Variants in RUVBL2 observed in about 807,000 individuals in gnomAD.
The protein encoded by RUVBL2 is RuvB like AAA ATPase 2.
Under a neutral mutation model 57.9 loss-of-function variants are expected in RUVBL2, and 9 were observed. That is an observed-to-expected ratio of 0.16 (90% CI 0.09 to 0.27). The LOEUF is 0.27. Among genes scored for constraint, RUVBL2 ranks in the 10% least tolerant of loss-of-function variants. The probability of loss-of-function intolerance (pLI) is 1.00; values close to 1 mark genes in which losing one functional copy is unlikely to be tolerated. For synonymous variants in RUVBL2, 278 were observed against 264.6 expected, an observed-to-expected ratio of 1.05 and a Z score of -0.49; for missense variants, 456 against 669.6, an observed-to-expected ratio of 0.68 and a Z score of 3.52.
At chr19:49,007,773 C>T (rs954196460) in intron 6 of RUVBL2, among the ~76,000 whole-genome samples, 9 of 151,998 alleles carry the variant, frequency 5.9e-5, no homozygotes, top group African/African-American at 1.9e-4. Context: ...GGTGCAATCT[C>T]GGCTCACTGC....
Position 49,010,480 on chromosome 19 carries a change from C to CCCCCCCAA in RUVBL2, c.664-5_664-4insCCCAACCC. The CCCCCCCAA allele has an allele frequency of 1.3e-6, 2 of 1,598,806 alleles. No homozygotes were observed. Among genetic ancestry groups the CCCCCCCAA allele is most frequent in the South Asian group, 1.1e-5 (1 of 90,628 alleles). The stretch of plus-strand genomic sequence containing the variant: ...CTCCGCCGTTCTTCCCCCACCCCCG[C>CCCCCCCAA]CCCATAGACCAAGTTCGTGCAGTGC... On this transcript the variant is annotated splice_polypyrimidine_tract_variant and splice_region_variant and intron_variant, in intron 8 of 14. Transcript: ENST00000595090.
At chr19:49,010,437 T>G (rs181417101) in intron 8 of RUVBL2, 51 bp from the exon 9 acceptor site, 25 of 1,602,814 alleles carry the variant, frequency 1.6e-5, no homozygotes, top group Non-Finnish European at 2.0e-5. Flanking sequence ...GCCCCCTTCA[T>G]GCCCTTCCCT....
chr19:49,007,439 G>A (rs1293405044), intron 6 of RUVBL2, 71 bp downstream of exon 6: 3 of 1,389,678 alleles, frequency 2.2e-6, no homozygotes, highest in Admixed American at 1.9e-5. Context: ...TAGATATCAG[G>A]TCTGCACTGA....
intron 1 of RUVBL2, chr19:48,994,727 C>G (rs991281915): frequency 6.6e-6 from 1 of 152,062 alleles, no homozygotes; most frequent in East Asian, 1.9e-4. Context: ...GTCAGGAGTT[C>G]GTGGCCAACA....
intron 2 of RUVBL2, among the ~76,000 whole-genome samples, chr19:49,001,839 T>C (rs372402561): frequency 1.9e-4 from 29 of 152,032 alleles, no homozygotes; most frequent in Middle Eastern, 3.4e-3. Context: ...GTCTATCTCC[T>C]GACCTCGTGA....
At position 49,010,016 on chromosome 19, in the gene RUVBL2, C is replaced by A. The variant is rs1062708; in HGVS notation, c.613C>A (p.Leu205Met). 4 of 1,590,124 alleles carry A rather than the reference C, an allele frequency of 2.5e-6. No individual in the cohort carries two copies. Among genetic ancestry groups the A allele is most frequent in the Non-Finnish European group, 2.6e-6 (3 of 1,166,174 alleles). Reference protein sequence around the residue: ...IDKATGKISKLGRSFTRARDY... With the variant: ...IDKATGKISKMGRSFTRARDY... ...CAAGGCGACGGGCAAGATCTCCAAG[C>A]TGGGCCGCTCCTTCACACGCGCCCG... Residue 205 changes from leucine (L) to methionine (M), a missense_variant, in exon 8 of 15, where the codon CTG (leucine) becomes ATG (methionine). Around this residue, in one of 5 missense-constraint regions of RUVBL2, gnomAD observed 233 missense variants for 306.0 expected, o/e 0.76. Coordinates refer to ENST00000595090, the MANE Select transcript of RUVBL2 (RefSeq NM_006666.3).
rs751694314 is a variant in RUVBL2, at chr19:49,015,561, TC to T, written c.1252-6del. On this transcript the variant is annotated splice_polypyrimidine_tract_variant and intron_variant, in intron 13 of 14. Transcript: ENST00000595090. Reference sequence around the variant, plus strand: ...GAGGGGCCCAACTGAGGACTCGCCCTCCCCCTCCAGGGTACAGAAGTGCAGG... The same window carrying T: ...GAGGGGCCCAACTGAGGACTCGCCCTCCCCTCCAGGGTACAGAAGTGCAGG... 4 of 1,596,998 alleles carry T rather than the reference TC, an allele frequency of 2.5e-6. No homozygotes were observed. The East Asian group carries it at 8.9e-5, about 36-fold the overall frequency.
intron 2 of RUVBL2, 71 bp downstream of exon 2, chr19:48,999,444 A>AG: frequency 6.6e-7 from 1 of 1,506,758 alleles, no homozygotes; most frequent in Non-Finnish European, 9.2e-7. Context: ...AAACCTATTG[A>AG]GGACCCCTAA....
chr19:48,993,604 G>C (rs2038989147), upstream of RUVBL2: 1 of 540,324 alleles, frequency 1.9e-6, no homozygotes, highest in Admixed American at 3.2e-5. Context: ...GGAGCGTGGA[G>C]GACGTGTGGT....
intron 11 of RUVBL2, among the ~76,000 whole-genome samples, chr19:49,013,887 C>T (rs1203096236): frequency 1.3e-5 from 2 of 152,228 alleles, no homozygotes; most frequent in African/African-American, 4.8e-5. Context: ...GCACTCCAGC[C>T]TCGCAACAGA....
At chr19:48,995,669 C>T (rs2039042354) in intron 1 of RUVBL2, among the ~76,000 whole-genome samples, 1 of 151,398 alleles carries the variant, frequency 6.6e-6, no homozygotes, top group East Asian at 2.0e-4. Context: ...GGCAACATAG[C>T]GAAACCCTGT....
At position 49,010,604 on chromosome 19, in the gene RUVBL2, C is replaced by G; in HGVS notation, c.780C>G (p.Leu260=). 5 of 1,613,730 alleles carry G rather than the reference C, an allele frequency of 3.1e-6. No homozygotes were observed. Among genetic ancestry groups the G allele is most frequent in the African/African-American group, 1.3e-5 (1 of 74,990 alleles). ...INSRTQGFLA[L]FSGDTGEIKS... is the part of the protein sequence containing the mutation. ...CTCGCACCCAGGGCTTCCTGGCGCT[C>G]TTCTCAGGTGAGGCCCCTCCTGCCC... The change falls in exon 9 of 15, where the codon CTC becomes CTG. Residue 260 remains leucine (L), a synonymous_variant. Coordinates refer to ENST00000595090, the MANE Select transcript of RUVBL2 (RefSeq NM_006666.3).
intron 1 of RUVBL2, among the ~76,000 whole-genome samples, chr19:48,997,240 A>T (rs1031970756): frequency 6.6e-6 from 1 of 152,200 alleles, no homozygotes; most frequent in African/African-American, 2.4e-5. Flanking sequence ...CTTCATATAG[A>T]TGGAATCATA....
chr19:49,004,253 C>T, intron 3 of RUVBL2, 24 bp from the exon 4 acceptor site: 1 of 1,608,040 alleles, frequency 6.2e-7, no homozygotes, highest in African/African-American at 1.3e-5. Flanking sequence ...AGGAAATCAC[C>T]TCATGTGCGC....
Position 49,011,324 on chromosome 19 carries a change from A to T in RUVBL2, c.1001+14A>T. 1.9e-6 allele frequency: 3 copies of T among 1,605,754 alleles called. No individual in the cohort carries two copies. Among genetic ancestry groups the T allele is most frequent in the Non-Finnish European group, 2.6e-6 (3 of 1,173,094 alleles). ...TGGCATCACGCGGTGAGCCGGCTAC[A>T]GGGGCCTCTGGGGAAAACAGGATGC... On this transcript the variant is annotated intron_variant, in intron 11 of 14. Coordinates refer to ENST00000595090, the MANE Select transcript of RUVBL2 (RefSeq NM_006666.3). The surrounding 1 kb of genome is among the most constrained non-coding windows in gnomAD (Gnocchi z 4.4).
At chr19:48,994,690 G>A (rs1216198038) in intron 1 of RUVBL2, 1 of 152,232 alleles carries the variant, frequency 6.6e-6, no homozygotes, top group Non-Finnish European at 1.5e-5. Context: ...AGCACTTTGG[G>A]AGGCCGAGGC....
At position 49,010,629 on chromosome 19, in the gene RUVBL2, C is replaced by G; in HGVS notation, c.787+18C>G. On this transcript the variant is annotated intron_variant, in intron 9 of 14. Transcript: ENST00000595090. Reference sequence around the variant, plus strand: ...CTTCTCAGGTGAGGCCCCTCCTGCCCTGCCCTGCCCTGCCCTGCCCCAGGC... The same window carrying G: ...CTTCTCAGGTGAGGCCCCTCCTGCCGTGCCCTGCCCTGCCCTGCCCCAGGC... 6.2e-7 allele frequency: 1 copy of G among 1,611,594 alleles called. No individual in the cohort carries two copies.
chr19:49,012,105 C>T (rs1200102450), intron 11 of RUVBL2, among the ~76,000 whole-genome samples: 4 of 152,176 alleles, frequency 2.6e-5, no homozygotes, highest in Admixed American at 6.5e-5. Flanking sequence ...TTCCATTGCC[C>T]GGCACTGCTT....
chr19:49,010,645 T>TGCCCC (rs772729400), intron 9 of RUVBL2, 34 bp downstream of exon 9: 13 of 1,610,358 alleles, frequency 8.1e-6, no homozygotes, highest in Middle Eastern at 1.7e-4. Context: ...TGCCCTGCCC[T>TGCCCC]GCCCCAGGCC....
Sources: allele counts gnomAD v4.1 joint callset (sites outside exome capture counted in the v4.1 genomes callset), GRCh38; gene constraint gnomAD v4.1.1; regional missense constraint gnomAD v4.1.1; non-coding constraint Gnocchi (gnomAD v3.1); transcripts MANE v1.5; gene names NCBI Gene and HGNC (gene_info 2026-07-23, HGNC 2026-07-21).